The following CUBN variants were observed in gnomAD, a reference collection of about 807,000 sequenced individuals.
CUBN encodes 460 kDa receptor.
In CUBN, 282 loss-of-function variants were observed where a neutral mutation model predicts 405.3. That is an observed-to-expected ratio of 0.70 (90% confidence interval 0.63 to 0.77). CUBN has a LOEUF of 0.77. Ranked by LOEUF, CUBN falls within the 30% of genes least tolerant of loss-of-function variation. The pLI is 0.00. For missense variants in CUBN, 4,514 were observed against 4,475.2 expected (o/e 1.01, Z -0.25); for synonymous variants, 1,684 against 1,617.0 (o/e 1.04, Z -0.99).
chr10:16,872,377 AAGAG>A (rs1840384538), intron 58 of CUBN, among the ~76,000 whole-genome samples: 2 of 136,204 alleles, frequency 1.5e-5, no homozygotes, highest in South Asian at 4.5e-4. Flanking sequence ...TAGACAGATA[AAGAG>A]AGAGAGAATA....
intron 27 of CUBN, among the ~76,000 whole-genome samples, chr10:17,025,730 G>T (rs901858852): frequency 6.6e-6 from 1 of 152,156 alleles, no homozygotes. Flanking sequence ...AGGGCAGATG[G>T]GGAAGTGATG....
At chr10:16,872,264 A>G (rs2131371293) in intron 58 of CUBN, among the ~76,000 whole-genome samples, 1 of 152,146 alleles carries the variant, frequency 6.6e-6, no homozygotes, top group Admixed American at 6.5e-5. Flanking sequence ...GTAAAATAAA[A>G]TAAACATGCA....
At chr10:17,074,898 A>G (rs1001565277) in intron 17 of CUBN, among the ~76,000 whole-genome samples, 1 of 152,122 alleles carries the variant, frequency 6.6e-6, no homozygotes, top group Non-Finnish European at 1.5e-5. Flanking sequence ...TCAAGGAGTG[A>G]TATTAAAAAG....
At chr10:17,117,080 T>C (rs1178380341) in intron 6 of CUBN, among the ~76,000 whole-genome samples, 2 of 152,064 alleles carry the variant, frequency 1.3e-5, no homozygotes, top group African/African-American at 4.8e-5. Flanking sequence ...CATAGGAAAA[T>C]AACAATAAAT....
intron 60 of CUBN, among the ~76,000 whole-genome samples, chr10:16,844,701 T>C (rs142710719): frequency 1.1e-3 from 171 of 152,308 alleles, no homozygotes; most frequent in African/African-American, 3.9e-3. Flanking sequence ...ATAACTGACA[T>C]AGGAGGCTCT....
chr10:16,890,487 G>T lies in CUBN; in HGVS notation c.8639C>A (p.Ala2880Asp). Reference sequence around the variant, plus strand: ...CGGAGCCACGTTCCCACAGCCAGTGGCTAGCAGGGCTTTGTCCACCTCCTC... The same window carrying T: ...CGGAGCCACGTTCCCACAGCCAGTGTCTAGCAGGGCTTTGTCCACCTCCTC... ...GTEEVDKALL[A>D]TGCGNVAPGP... The change falls in exon 55 of 67, where the codon GCC (alanine) becomes GAC (aspartate). Residue 2880 changes from alanine to aspartate, a missense_variant. Around this residue, in one of 5 missense-constraint regions of CUBN, gnomAD observed 1,186 missense variants for 1,186.9 expected, o/e 1.00. Coordinates refer to ENST00000377833, the MANE Select transcript of CUBN (RefSeq NM_001081.4). 1 of 1,614,152 alleles carries T rather than the reference G, an allele frequency of 6.2e-7. No homozygotes were observed. Among genetic ancestry groups the T allele is most frequent in the Non-Finnish European group, 8.5e-7 (1 of 1,180,024 alleles).
At chr10:16,928,519 A>AC (rs1564428886) in intron 40 of CUBN, among the ~76,000 whole-genome samples, 24 of 84,058 alleles carry the variant, frequency 2.9e-4, no homozygotes, top group African/African-American at 6.6e-4. Context: ...CCCCCACCCC[A>AC]CCCCACCCCC....
At chr10:16,972,757 C>T (rs555989295) in intron 31 of CUBN, among the ~76,000 whole-genome samples, 1 of 152,072 alleles carries the variant, frequency 6.6e-6, no homozygotes, top group African/African-American at 2.4e-5. Flanking sequence ...ATAGGCTTCC[C>T]CCCACCATCT....
chr10:16,926,251 C>T (rs1265638791), intron 41 of CUBN, among the ~76,000 whole-genome samples: 2 of 152,024 alleles, frequency 1.3e-5, no homozygotes, highest in Non-Finnish European at 2.9e-5. Flanking sequence ...GTTCAGAAAA[C>T]AGTGTAAAGG....
chr10:17,045,031 T>C lies in CUBN; in HGVS notation c.3648A>G (p.Pro1216=). ...CAGCCAGGTAATCTAAAGTGCAGTT[T>C]GGATGATGCTCCAAGTGAAAGTCTT... is the stretch of plus-strand genomic sequence containing the variant. The part of the protein sequence containing the change: ...EFKDFHLEHH[P]NCTLDYLAVY... The change falls in exon 25 of 67, where the codon CCA becomes CCG. Residue 1216 remains proline (P), a synonymous_variant. Coordinates refer to ENST00000377833, the MANE Select transcript of CUBN (RefSeq NM_001081.4). 6.2e-7 allele frequency: 1 copy of C among 1,614,090 alleles called. No individual in the cohort carries two copies. Among genetic ancestry groups the C allele is most frequent in the Non-Finnish European group, 8.5e-7 (1 of 1,179,976 alleles).
At chr10:16,927,686 C>G (rs569565566) in intron 41 of CUBN, among the ~76,000 whole-genome samples, 3 of 152,180 alleles carry the variant, frequency 2.0e-5, no homozygotes, top group African/African-American at 7.2e-5. Flanking sequence ...ATATATGGTG[C>G]CCGCTTTTGA....
intron 31 of CUBN, among the ~76,000 whole-genome samples, chr10:16,967,755 G>C (rs1042684437): frequency 4.6e-5 from 7 of 151,144 alleles, no homozygotes; most frequent in Non-Finnish European, 1.0e-4. Context: ...GAAAGGGAAA[G>C]ATAAGAAGAG....
intron 14 of CUBN, among the ~76,000 whole-genome samples, chr10:17,092,243 T>A (rs1474817366): frequency 6.6e-6 from 1 of 152,120 alleles, no homozygotes; most frequent in Non-Finnish European, 1.5e-5. Flanking sequence ...ACCCTAATAG[T>A]TAGGCAGGAA....
intron 6 of CUBN, chr10:17,122,392 C>A: frequency 3.2e-6 from 1 of 310,324 alleles, no homozygotes; most frequent in Non-Finnish European, 6.5e-6. Flanking sequence ...CTTGCTAATA[C>A]ATGGAAAGAG....
chr10:16,891,383 G>C (rs1364149255), intron 54 of CUBN, among the ~76,000 whole-genome samples: 1 of 152,138 alleles, frequency 6.6e-6, no homozygotes, highest in Non-Finnish European at 1.5e-5. Flanking sequence ...TGGGGGAAGT[G>C]AGCCTGCCCC....
At chr10:16,914,388 G>A (rs543755871) in intron 47 of CUBN, among the ~76,000 whole-genome samples, 12 of 152,062 alleles carry the variant, frequency 7.9e-5, no homozygotes, top group East Asian at 3.9e-4. Context: ...GTGAAATCCC[G>A]TCTCTAATAA....
chr10:17,122,937 C>T (rs202235406), intron 5 of CUBN, 39 bp from the exon 6 acceptor site: 7 of 1,391,596 alleles, frequency 5.0e-6, no homozygotes, highest in Non-Finnish European at 7.2e-6. Flanking sequence ...TGCCAAAGGT[C>T]ACAGAGGTAT....
chr10:16,974,730 T>A (rs1376320322), intron 31 of CUBN, among the ~76,000 whole-genome samples: 1 of 152,158 alleles, frequency 6.6e-6, no homozygotes, highest in African/African-American at 2.4e-5. Context: ...AACACAGATT[T>A]TCTTCCGTCT....
chr10:17,036,225 A>G (rs1834896367), intron 27 of CUBN, among the ~76,000 whole-genome samples: 1 of 152,136 alleles, frequency 6.6e-6, no homozygotes, highest in South Asian at 2.1e-4. Context: ...ATTTGTCACC[A>G]AGGGAAAGTC....
Sources: gnomAD v4.1 joint callset for allele counts (sites outside exome capture counted in the v4.1 genomes callset) on GRCh38, gnomAD v4.1.1 for gene constraint, gnomAD v4.1.1 regional missense constraint, MANE v1.5 for transcripts, NCBI Gene and HGNC (gene_info 2026-07-23, HGNC 2026-07-21) for gene names.